The following ZSWIM6 variants were observed in gnomAD, a reference collection of about 807,000 sequenced individuals.
ZSWIM6 encodes the protein zinc finger SWIM-type containing 6.
Under a neutral mutation model 113.2 loss-of-function variants are expected in ZSWIM6, and 9 were observed. The observed-to-expected ratio is 0.08, with a 90% CI of 0.05 to 0.14. The LOEUF (loss-of-function observed/expected upper bound fraction) is 0.14, where lower values mean the gene tolerates loss of function less well. Ranked by LOEUF, ZSWIM6 falls within the 10% of genes least tolerant of loss-of-function variation. The probability of loss-of-function intolerance (pLI) is 1.00; values close to 1 mark genes in which losing one functional copy is unlikely to be tolerated. For missense variants in ZSWIM6, 1,162 were observed against 1,552.2 expected, an observed-to-expected ratio of 0.75 and a Z score of 4.22; for synonymous variants, 611 against 606.5, an observed-to-expected ratio of 1.01 and a Z score of -0.11.
At chr5:61,441,306 G>T (rs1043275844) in intron 1 of ZSWIM6, among the ~76,000 whole-genome samples, 1 of 152,136 alleles carries the variant, frequency 6.6e-6, no homozygotes, top group Non-Finnish European at 1.5e-5. Context: ...TGTCCTGGAT[G>T]TGAGGATAGC....
intron 4 of ZSWIM6, among the ~76,000 whole-genome samples, chr5:61,516,678 C>G (rs1748953654): frequency 1.3e-5 from 2 of 151,342 alleles, no homozygotes; most frequent in Admixed American, 1.3e-4. Flanking sequence ...TGCTTTTAAC[C>G]ATCATACTTT....
At chr5:61,445,394 A>G (rs553923349) in intron 1 of ZSWIM6, among the ~76,000 whole-genome samples, 7 of 152,204 alleles carry the variant, frequency 4.6e-5, no homozygotes, top group Non-Finnish European at 1.0e-4. Flanking sequence ...TACAGTACTG[A>G]CAACTATTTA....
chr5:61,526,880 A>C (rs1749300028), intron 7 of ZSWIM6, among the ~76,000 whole-genome samples: 5 of 152,194 alleles, frequency 3.3e-5, no homozygotes, highest in Admixed American at 3.3e-4. Context: ...AGAGTTGTTG[A>C]GAAGATTAAA....
intron 4 of ZSWIM6, among the ~76,000 whole-genome samples, chr5:61,495,078 A>G (rs16891822): frequency 0.027 from 4,097 of 152,220 alleles, 172 homozygotes; most frequent in South Asian, 0.19. Flanking sequence ...TTGTCTTTTT[A>G]TTAAGAAATC....
chr5:61,347,598 T>C (rs1263763087), intron 1 of ZSWIM6: 2 of 153,060 alleles, frequency 1.3e-5, no homozygotes, highest in African/African-American at 4.8e-5. Flanking sequence ...GAAAAAGGCC[T>C]CACCTACAAC....
chr5:61,537,407 T>C (rs935051150), intron 10 of ZSWIM6, among the ~76,000 whole-genome samples: 1 of 152,176 alleles, frequency 6.6e-6, no homozygotes, highest in African/African-American at 2.4e-5. Context: ...AAAAGAGAGA[T>C]GTAGCTCGCA....
intron 1 of ZSWIM6, among the ~76,000 whole-genome samples, chr5:61,465,758 T>A (rs6449535): frequency 2.6e-5 from 4 of 151,976 alleles, no homozygotes; most frequent in African/African-American, 9.7e-5. Flanking sequence ...AATTTGCCAT[T>A]GTTTTTCTCT....
chr5:61,385,470 G>A (rs1745575606), intron 1 of ZSWIM6, among the ~76,000 whole-genome samples: 1 of 152,166 alleles, frequency 6.6e-6, no homozygotes, highest in Non-Finnish European at 1.5e-5. Context: ...CACTTAATTT[G>A]TAGTTAGACC....
intron 1 of ZSWIM6, among the ~76,000 whole-genome samples, chr5:61,459,087 C>A (rs1178540072): frequency 6.6e-6 from 1 of 152,052 alleles, no homozygotes; most frequent in African/African-American, 2.4e-5. Flanking sequence ...CATTTGAAAC[C>A]ATTTGGGTTT....
chr5:61,383,933 A>G (rs1237922873), intron 1 of ZSWIM6, among the ~76,000 whole-genome samples: 2 of 151,854 alleles, frequency 1.3e-5, no homozygotes, highest in Non-Finnish European at 2.9e-5. Flanking sequence ...AACTTATGCT[A>G]ACATCAGTAA....
At position 61,422,042 on chromosome 5, in the gene ZSWIM6, T is replaced by C. The variant is rs771426704; in HGVS notation, c.677-50639T>C. 3.3e-5 allele frequency among the ~76,000 whole-genome samples: 5 copies of C among 152,256 alleles called. No individual in the cohort carries two copies. In the South Asian group the frequency reaches 6.2e-4, roughly 19 times the overall value. Reference sequence around the variant, plus strand: ...TCAGTTTGTTGATCGTTTCCTTTGCTGTGCAGCAGCTTTTAAATAATAAAT... The same window carrying C: ...TCAGTTTGTTGATCGTTTCCTTTGCCGTGCAGCAGCTTTTAAATAATAAAT... On this transcript the variant is annotated intron_variant, in intron 1 of 13. Coordinates refer to ENST00000252744, the MANE Select transcript of ZSWIM6 (RefSeq NM_020928.2).
chr5:61,455,659 T>A (rs1747191020), intron 1 of ZSWIM6, among the ~76,000 whole-genome samples: 1 of 152,174 alleles, frequency 6.6e-6, no homozygotes, highest in Non-Finnish European at 1.5e-5. Context: ...AGTGCAGATC[T>A]CTATAGCTAA....
At chr5:61,333,007 G>T (rs898618118) in intron 1 of ZSWIM6, 59 bp downstream of exon 1, 4 of 577,612 alleles carry the variant, frequency 6.9e-6, no homozygotes, top group South Asian at 4.2e-5. Flanking sequence ...GGTGGGGGGG[G>T]GGTGCCCGCC....
At chr5:61,395,954 T>C (rs957068813) in intron 1 of ZSWIM6, among the ~76,000 whole-genome samples, 11 of 152,270 alleles carry the variant, frequency 7.2e-5, no homozygotes, top group African/African-American at 2.6e-4. Flanking sequence ...TTCTAAATCA[T>C]TTATTAGATC....
chr5:61,523,045 GT>G (rs1214957626), intron 5 of ZSWIM6, among the ~76,000 whole-genome samples: 1 of 152,182 alleles, frequency 6.6e-6, no homozygotes, highest in East Asian at 1.9e-4. Context: ...TTGGGACCTT[GT>G]TTCTAAGGGC....
chr5:61,333,872 G>C (rs1008252219), intron 1 of ZSWIM6, among the ~76,000 whole-genome samples: 6 of 152,094 alleles, frequency 3.9e-5, no homozygotes, highest in Admixed American at 3.9e-4. Context: ...AGCCGCGGTC[G>C]GCAGTTGCGG....
intron 3 of ZSWIM6, 123 bp downstream of exon 3, chr5:61,491,057 C>T: frequency 1.2e-6 from 1 of 858,956 alleles, no homozygotes; most frequent in Non-Finnish European, 1.6e-6. Context: ...TCTTAGCTGA[C>T]CAATAGAAAC....
At position 61,391,532 on chromosome 5, in the gene ZSWIM6, A is replaced by G. The variant is rs376715098; in HGVS notation, c.676+58584A>G. On this transcript the variant is annotated intron_variant, in intron 1 of 13. Coordinates refer to ENST00000252744, the MANE Select transcript of ZSWIM6 (RefSeq NM_020928.2). The stretch of plus-strand genomic sequence containing the variant: ...CGGTTTTTATAGAAATGTCTCTTGC[A>G]TGCATCGCTGATGTGCTCAGCGAAG... 9.5e-5 allele frequency: 99 copies of G among 1,043,350 alleles called. 1 individual carries two copies. In the African/African-American group the frequency reaches 1.4e-3, roughly 15 times the overall value. 64.6% of individuals were successfully genotyped at this position (1,043,350 alleles called of 1,614,324 possible). A position where few individuals can be genotyped will look rare whatever the true frequency, so the allele number is the denominator to read the frequency against.
At chr5:61,397,598 T>C (rs1288819602) in intron 1 of ZSWIM6, among the ~76,000 whole-genome samples, 1 of 152,164 alleles carries the variant, frequency 6.6e-6, no homozygotes, top group East Asian at 1.9e-4. Context: ...AACATGAACC[T>C]TTAAAAGAAT....
Sources: gnomAD v4.1 joint callset for allele counts (sites outside exome capture counted in the v4.1 genomes callset) on GRCh38, gnomAD v4.1.1 for gene constraint, MANE v1.5 for transcripts, NCBI Gene and HGNC (gene_info 2026-07-23, HGNC 2026-07-21) for gene names.